ARHGEF10L: variants seen among roughly 807,000 people sequenced by gnomAD.
ARHGEF10L encodes the protein Rho guanine nucleotide exchange factor 10 like.
In ARHGEF10L, 69 loss-of-function variants were observed where a neutral mutation model predicts 141.2. The observed-to-expected ratio is 0.49, with a 90% CI of 0.40 to 0.60. The LOEUF (loss-of-function observed/expected upper bound fraction) is 0.60, where lower values mean the gene tolerates loss of function less well. ARHGEF10L is among the 20% of genes least tolerant of loss of function. The probability of loss-of-function intolerance (pLI) is 0.00; values close to 1 mark genes in which losing one functional copy is unlikely to be tolerated. For missense variants in ARHGEF10L, 1,482 were observed against 1,734.3 expected, an observed-to-expected ratio of 0.85 and a Z score of 2.58; for synonymous variants, 711 against 718.5, an observed-to-expected ratio of 0.99 and a Z score of 0.17.
At chr1:17,691,813 T>A (rs1442303948) in intron 27 of ARHGEF10L, among the ~76,000 whole-genome samples, 1 of 152,166 alleles carries the variant, frequency 6.6e-6, no homozygotes, top group African/African-American at 2.4e-5. Flanking sequence ...GTCCAAGTTT[T>A]CTCCTTTCCT....
rs1372554664 is a variant in ARHGEF10L at position 17,588,393 on chromosome 1, G to A, written c.224-53G>A. On this transcript the variant is annotated intron_variant, in intron 3 of 28. Transcript: ENST00000361221. ...GGAAAGGGGCGGGGAAGGCCTGAGT[G>A]CCTGGGGCCAGCCTCTGGCCTGACA... is the stretch of plus-strand genomic sequence containing the variant. 3 of 1,606,846 alleles carry A rather than the reference G, an allele frequency of 1.9e-6. No individual in the cohort carries two copies. In the East Asian group the frequency reaches 6.7e-5, roughly 36 times the overall value.
rs201790091 is a variant in ARHGEF10L, at chr1:17,587,575, C to A, written c.153C>A (p.Gly51=). The A allele has an allele frequency of 6.2e-7, 1 of 1,614,154 alleles. No individual in the cohort carries two copies. Among genetic ancestry groups the A allele is most frequent in the South Asian group, 1.1e-5 (1 of 91,078 alleles). ...AAGAGGACACCAGCGCAGCCCTGGG[C>A]GTCCCCAGCCTTGCTCCTGAGAGGG... ...DDEEDTSAAL[G]VPSLAPERDT... Residue 51 remains glycine, a synonymous_variant, in exon 3 of 29, where the codon GGC becomes GGA. Transcript: ENST00000361221.
chr1:17,694,816 T>C (rs1275802604), intron 27 of ARHGEF10L: 3 of 445,624 alleles, frequency 6.7e-6, no homozygotes, highest in Non-Finnish European at 1.3e-5. Flanking sequence ...TGGATTGCCC[T>C]TGGACAACCC....
intron 1 of ARHGEF10L, among the ~76,000 whole-genome samples, chr1:17,570,710 C>T (rs113983726): frequency 7.6e-4 from 115 of 152,070 alleles, no homozygotes; most frequent in African/African-American, 2.6e-3. Context: ...AGGGACTGGT[C>T]AGGAGGCGTT....
At chr1:17,543,198 G>A (rs2076793521) in intron 1 of ARHGEF10L, among the ~76,000 whole-genome samples, 1 of 152,088 alleles carries the variant, frequency 6.6e-6, no homozygotes, top group South Asian at 2.1e-4. Flanking sequence ...CCTGGGCAGT[G>A]GTGAGTTGGG....
intron 27 of ARHGEF10L, chr1:17,691,332 A>T (rs2065087695): frequency 3.6e-6 from 1 of 279,712 alleles, no homozygotes; most frequent in Admixed American, 5.5e-5. Flanking sequence ...CCCCAGAATG[A>T]GGTCTGCAGA....
At chr1:17,632,286 G>A (rs756883285) in intron 15 of ARHGEF10L, 35 bp from the exon 16 acceptor site, 5 of 1,610,220 alleles carry the variant, frequency 3.1e-6, no homozygotes, top group South Asian at 2.2e-5. Flanking sequence ...GCCGGGCCGC[G>A]ATGCTGATGC....
chr1:17,680,268 G>A (rs1358993037), intron 26 of ARHGEF10L, among the ~76,000 whole-genome samples: 1 of 152,238 alleles, frequency 6.6e-6, no homozygotes, highest in Non-Finnish European at 1.5e-5. Flanking sequence ...TTCCTCAGGA[G>A]CTGGCAGCCC....
chr1:17,598,773 CT>C (rs113297592), intron 4 of ARHGEF10L, among the ~76,000 whole-genome samples: 251 of 144,744 alleles, frequency 1.7e-3, no homozygotes, highest in African/African-American at 1.6e-3. Flanking sequence ...CTCTCTCTCT[CT>C]TTTTTTTTTT....
chr1:17,613,336 G>T (rs2059643676), intron 8 of ARHGEF10L, among the ~76,000 whole-genome samples, 162 bp downstream of exon 8: 1 of 152,160 alleles, frequency 6.6e-6, no homozygotes, highest in Non-Finnish European at 1.5e-5. Context: ...TTGCATCTGT[G>T]CTGGAACTGG....
At chr1:17,643,135 T>A (rs947133548) in intron 21 of ARHGEF10L, among the ~76,000 whole-genome samples, 2 of 152,258 alleles carry the variant, frequency 1.3e-5, no homozygotes, top group African/African-American at 4.8e-5. Context: ...AGTATTTTTT[T>A]TCTTTTTATC....
intron 21 of ARHGEF10L, 55 bp downstream of exon 21, chr1:17,640,357 G>T (rs2061260805): frequency 6.7e-7 from 1 of 1,499,588 alleles, no homozygotes; most frequent in Non-Finnish European, 9.1e-7. Context: ...GAACGGGGAG[G>T]TTTGGGGTGA....
chr1:17,614,972 AG>A (rs1557828399), intron 8 of ARHGEF10L: 2 of 152,376 alleles, frequency 1.3e-5, no homozygotes, highest in South Asian at 4.1e-4. Flanking sequence ...CCCGCAGATT[AG>A]TGCTCCCCAC....
At chr1:17,549,835 T>G (rs2077047156) in intron 1 of ARHGEF10L, among the ~76,000 whole-genome samples, 1 of 152,228 alleles carries the variant, frequency 6.6e-6, no homozygotes, top group Admixed American at 6.5e-5. Context: ...AAAAATAATT[T>G]ACCAAGTGCC....
chr1:17,658,136 G>C (rs1360793080), intron 25 of ARHGEF10L, among the ~76,000 whole-genome samples: 3 of 152,204 alleles, frequency 2.0e-5, no homozygotes, highest in Non-Finnish European at 4.4e-5. Context: ...TTCCCTGGCT[G>C]TGTGTCTGTG....
chr1:17,663,835 C>T (rs1012133774), intron 25 of ARHGEF10L, among the ~76,000 whole-genome samples: 7 of 152,172 alleles, frequency 4.6e-5, no homozygotes, highest in African/African-American at 1.7e-4. Flanking sequence ...AGTAGCAGAA[C>T]CAGGGCCAGA....
In ARHGEF10L at chr1:17,637,910, A is replaced by G. The variant is rs1403482182; in HGVS notation, c.1950A>G (p.Pro650=). 2.5e-6 allele frequency: 4 copies of G among 1,595,384 alleles called. No individual in the cohort carries two copies. Among genetic ancestry groups the G allele is most frequent in the South Asian group, 1.1e-5 (1 of 87,506 alleles). The change falls in exon 19 of 29, where the codon CCA becomes CCG. Residue 650 remains proline (P), a synonymous_variant. Coordinates refer to ENST00000361221, the MANE Select transcript of ARHGEF10L (RefSeq NM_018125.4). ...QAQNKVYLGP[P]RLFQELQDLQ... ...CAGATAAGGTGTACCTCGGCCCCCC[A>G]CGCCTCTTCCAGGAGCTGCAGGACC...
intron 11 of ARHGEF10L, 137 bp from the exon 12 acceptor site, chr1:17,622,859 G>T (rs1348487863): frequency 2.4e-6 from 2 of 825,560 alleles, no homozygotes; most frequent in Admixed American, 5.6e-5. Context: ...CCGGAAGGAC[G>T]CATGAGGAGT....
At chr1:17,574,326 G>A (rs542335987) in intron 1 of ARHGEF10L, among the ~76,000 whole-genome samples, 8 of 152,216 alleles carry the variant, frequency 5.3e-5, no homozygotes, top group Non-Finnish European at 8.8e-5. Context: ...GACAGTGCTC[G>A]GAGGTGTCAG....
Sources: allele counts gnomAD v4.1 joint callset (sites outside exome capture counted in the v4.1 genomes callset), GRCh38; gene constraint gnomAD v4.1.1; transcripts MANE v1.5; gene names NCBI Gene and HGNC (gene_info 2026-07-23, HGNC 2026-07-21).